The following SUSD6 variants were observed in gnomAD, a reference collection of about 807,000 sequenced individuals.
SUSD6 encodes the protein sushi domain-containing protein 6.
Under a neutral mutation model 28.4 loss-of-function variants are expected in SUSD6, and 16 were observed. The ratio of observed to expected loss-of-function variants is 0.56; its 90% CI spans 0.38 to 0.86. SUSD6 has a LOEUF of 0.86. Ranked by LOEUF, SUSD6 falls within the 40% of genes least tolerant of loss-of-function variation. The pLI, the probability that SUSD6 is intolerant of heterozygous loss-of-function variation, is 0.00. For synonymous variants in SUSD6, 147 were observed against 159.6 expected, an observed-to-expected ratio of 0.92 and a Z score of 0.59; for missense variants, 341 against 384.2, an observed-to-expected ratio of 0.89 and a Z score of 0.94.
chr14:69,692,038 CAA>C (rs200335924), intron 2 of SUSD6, among the ~76,000 whole-genome samples: 27 of 68,286 alleles, frequency 4.0e-4, no homozygotes, highest in Admixed American at 8.5e-4. Context: ...GACTCCGTCT[CAA>C]AAAAAAAAAA....
intron 2 of SUSD6, among the ~76,000 whole-genome samples, chr14:69,669,062 C>CTTTTT (rs58962166): frequency 8.7e-4 from 68 of 77,942 alleles, no homozygotes; most frequent in East Asian, 1.7e-3. Context: ...CTTTTCTTTT[C>CTTTTT]TTTTTTTTTT....
intron 1 of SUSD6, among the ~76,000 whole-genome samples, chr14:69,631,980 A>G (rs923136251): frequency 1.3e-5 from 2 of 152,226 alleles, no homozygotes; most frequent in South Asian, 2.1e-4. Context: ...GTTAATACCA[A>G]CAACAGTTTC....
chr14:69,641,782 T>A (rs972452696), intron 1 of SUSD6, among the ~76,000 whole-genome samples: 1 of 149,146 alleles, frequency 6.7e-6, no homozygotes, highest in Admixed American at 6.6e-5. Context: ...TTTTTTTTTG[T>A]AGAGAGGAGG....
At chr14:69,650,054 A>G (rs1434453087) in intron 1 of SUSD6, among the ~76,000 whole-genome samples, 1 of 152,228 alleles carries the variant, frequency 6.6e-6, no homozygotes, top group Non-Finnish European at 1.5e-5. Context: ...GAGGGGAGGT[A>G]GTGCTAAGTG....
intron 5 of SUSD6, among the ~76,000 whole-genome samples, chr14:69,709,768 T>C (rs1247688317): frequency 2.6e-5 from 4 of 152,230 alleles, no homozygotes; most frequent in Non-Finnish European, 5.9e-5. Context: ...TGCCTCCTGA[T>C]GTTTCTGCCT....
At chr14:69,638,976 G>A (rs1885306943) in intron 1 of SUSD6, among the ~76,000 whole-genome samples, 1 of 152,156 alleles carries the variant, frequency 6.6e-6, no homozygotes. Flanking sequence ...GAGGGTGTGT[G>A]TGCTTACTCA....
At position 69,680,954 on chromosome 14, in the gene SUSD6, C is replaced by T. The variant is rs141346693; in HGVS notation, c.121+22241C>T. Among the ~76,000 whole-genome samples the T allele has an allele frequency of 2.8e-3, 426 of 152,304 alleles. 2 individuals carry two copies. Among genetic ancestry groups the T allele is most frequent in the Non-Finnish European group, 4.7e-3 (318 of 68,020 alleles). On this transcript the variant is annotated intron_variant, in intron 2 of 5. Coordinates refer to ENST00000342745, the MANE Select transcript of SUSD6 (RefSeq NM_014734.4). ...TGTTTGGGGAAGGCTGATACATCTCCATCCCTTCCCCAAAAGTTTCCTACC... is the reference window on the plus strand; with the variant it reads ...TGTTTGGGGAAGGCTGATACATCTCTATCCCTTCCCCAAAAGTTTCCTACC...
intron 2 of SUSD6, among the ~76,000 whole-genome samples, chr14:69,668,461 C>T (rs1885778340): frequency 6.6e-6 from 1 of 151,770 alleles, no homozygotes; most frequent in South Asian, 2.1e-4. Flanking sequence ...ATGGTGAAAC[C>T]CTGTCTCCAC....
Position 69,672,234 on chromosome 14 carries a change from A to G in SUSD6, c.121+13521A>G, listed in dbSNP as rs532814779. Among the ~76,000 whole-genome samples, 3 of 152,348 alleles carry G rather than the reference A, an allele frequency of 2.0e-5. No individual in the cohort carries two copies. In the East Asian group the frequency reaches 5.8e-4, roughly 29 times the overall value. On this transcript the variant is annotated intron_variant, in intron 2 of 5. Coordinates refer to ENST00000342745, the MANE Select transcript of SUSD6 (RefSeq NM_014734.4). ...GCCCAAACCTATGGAATCGAAATCT[A>G]AAGCTTGGACTTCTAAATGTGATAA...
intron 1 of SUSD6, among the ~76,000 whole-genome samples, chr14:69,641,080 A>G (rs766741714): frequency 3.9e-5 from 6 of 152,238 alleles, no homozygotes; most frequent in Admixed American, 2.0e-4. Flanking sequence ...TGGAGCCTCC[A>G]TTGCCTCCTG....
Position 69,705,519 on chromosome 14 carries a change from TAA to T in SUSD6, c.458+778_458+779del, listed in dbSNP as rs1886376097. 2.0e-5 allele frequency among the ~76,000 whole-genome samples: 3 copies of T among 152,188 alleles called. No homozygotes were observed. In the South Asian group the frequency reaches 6.2e-4, roughly 32 times the overall value. On this transcript the variant is annotated intron_variant, in intron 4 of 5. Coordinates refer to ENST00000342745, the MANE Select transcript of SUSD6 (RefSeq NM_014734.4). Reference sequence around the variant, plus strand: ...TGTCCAGGTGATTTTGATGAACACTTAAGTTTGTGAGCCACTATCCTGCACTC... The same window carrying T: ...TGTCCAGGTGATTTTGATGAACACTTGTTTGTGAGCCACTATCCTGCACTC...
intron 1 of SUSD6, among the ~76,000 whole-genome samples, chr14:69,650,396 A>G (rs1440108044): frequency 6.6e-6 from 1 of 152,086 alleles, no homozygotes; most frequent in Admixed American, 6.5e-5. Context: ...TACCTAGACC[A>G]CCCAATTGCC....
At chr14:69,618,751 T>A (rs1168100007) in intron 1 of SUSD6, among the ~76,000 whole-genome samples, 1 of 152,180 alleles carries the variant, frequency 6.6e-6, no homozygotes, top group African/African-American at 2.4e-5. Flanking sequence ...GCCAAAAATT[T>A]TGTGATTTGA....
chr14:69,644,854 T>C (rs1178633107), intron 1 of SUSD6, among the ~76,000 whole-genome samples: 1 of 152,160 alleles, frequency 6.6e-6, no homozygotes, highest in Admixed American at 6.5e-5. Context: ...TGCAGGGAAC[T>C]GGAAGTATGA....
At chr14:69,630,919 TGA>T (rs1310323172) in intron 1 of SUSD6, among the ~76,000 whole-genome samples, 1 of 152,216 alleles carries the variant, frequency 6.6e-6, no homozygotes, top group African/African-American at 2.4e-5. Context: ...AAGAGGACTC[TGA>T]GAGTTCATGT....
chr14:69,686,425 G>A (rs918416018), intron 2 of SUSD6, among the ~76,000 whole-genome samples: 6 of 152,222 alleles, frequency 3.9e-5, no homozygotes, highest in African/African-American at 1.4e-4. Flanking sequence ...TGTAAGAGTC[G>A]TGCAAAAACA....
intron 5 of SUSD6, among the ~76,000 whole-genome samples, chr14:69,709,319 C>T (rs959417392): frequency 3.9e-5 from 6 of 152,146 alleles, no homozygotes; most frequent in African/African-American, 1.4e-4. Flanking sequence ...CCTGTGAATT[C>T]TGATCGTTTG....
rs960506850 is a variant in SUSD6 at position 69,714,942 on chromosome 14, A to C, written c.*3963A>C. 1 of 152,244 alleles carries C rather than the reference A, an allele frequency of 6.6e-6. No homozygotes were observed. Among genetic ancestry groups the C allele is most frequent in the African/African-American group, 2.4e-5 (1 of 41,462 alleles). 9.4% of individuals were successfully genotyped at this position (152,244 alleles called of 1,614,324 possible). ...TATAATGGTTTAAAACAACACATTCATAATTGACTCTGTGCAGGATGTCAC... is the reference window on the plus strand; with the variant it reads ...TATAATGGTTTAAAACAACACATTCCTAATTGACTCTGTGCAGGATGTCAC... On this transcript the variant is annotated 3_prime_UTR_variant, in exon 6 of 6. Transcript: ENST00000342745.
At chr14:69,694,214 G>A (rs1314103935) in intron 2 of SUSD6, among the ~76,000 whole-genome samples, 1 of 152,202 alleles carries the variant, frequency 6.6e-6, no homozygotes, top group Non-Finnish European at 1.5e-5. Flanking sequence ...CATGGTGATA[G>A]GTTACAAATA....
Sources: allele counts gnomAD v4.1 joint callset (sites outside exome capture counted in the v4.1 genomes callset), GRCh38; gene constraint gnomAD v4.1.1; transcripts MANE v1.5; gene names NCBI Gene and HGNC (gene_info 2026-07-23, HGNC 2026-07-21).